Variants in PECR observed in about 807,000 individuals in gnomAD.
PECR encodes 2,4-dienoyl-CoA reductase-related protein.
Under a neutral mutation model 35.3 loss-of-function variants are expected in PECR, and 30 were observed. The ratio of observed to expected loss-of-function variants is 0.85; its 90% CI spans 0.64 to 1.15. The LOEUF is 1.15. PECR is among the 50% of genes most tolerant of loss of function. The probability of loss-of-function intolerance (pLI) is 0.00; values close to 1 mark genes in which losing one functional copy is unlikely to be tolerated. For missense variants in PECR, 392 were observed against 370.8 expected (o/e 1.06, Z -0.47); for synonymous variants, 148 against 138.9 (o/e 1.07, Z -0.46).
At chr2:216,044,309 T>C (rs1694952533) in intron 6 of PECR, among the ~76,000 whole-genome samples, 2 of 152,288 alleles carry the variant, frequency 1.3e-5, no homozygotes, top group East Asian at 3.9e-4. Context: ...ATAAGTGAAC[T>C]CAGTGCTTCA....
chr2:216,030,956 TCA>T (rs1219074422), intron 7 of PECR, among the ~76,000 whole-genome samples: 1,412 of 113,310 alleles, frequency 0.012, 8 homozygotes, highest in Non-Finnish European at 0.016. Context: ...TCTCTCTCTC[TCA>T]CACACACACA....
intron 6 of PECR, among the ~76,000 whole-genome samples, chr2:216,046,317 T>TG (rs1694993647): frequency 1.5e-5 from 2 of 137,762 alleles, no homozygotes; most frequent in African/African-American, 5.5e-5. Context: ...TATATTTTTT[T>TG]TTTTTTTTTT....
chr2:216,073,696 G>T (rs1358779994), intron 1 of PECR, among the ~76,000 whole-genome samples: 2 of 151,392 alleles, frequency 1.3e-5, no homozygotes, highest in Non-Finnish European at 2.9e-5. Flanking sequence ...TGTATGTTTA[G>T]ATATGTTTAG....
At position 216,063,604 on chromosome 2, in the gene PECR, C is replaced by T. The variant is rs538863712; in HGVS notation, c.424+1708G>A. ...CTGCACTCCAGCCTGTGTGACAGAG[C>T]GAGACTCTGTCTCAAAAAGAAAAAA... On this transcript the variant is annotated intron_variant, in intron 3 of 7. Coordinates refer to ENST00000265322, the MANE Select transcript of PECR (RefSeq NM_018441.6). 4.6e-5 allele frequency among the ~76,000 whole-genome samples: 7 copies of T among 151,216 alleles called. 1 individual carries two copies. Among genetic ancestry groups the T allele is most frequent in the African/African-American group, 9.7e-5 (4 of 41,162 alleles).
intron 4 of PECR, chr2:216,057,615 G>C (rs1695256230): frequency 6.6e-6 from 1 of 152,124 alleles, no homozygotes; most frequent in African/African-American, 2.4e-5. Context: ...AGAATAATGA[G>C]CAGGAAAAGA....
chr2:216,075,199 C>T (rs993153434), intron 1 of PECR, among the ~76,000 whole-genome samples: 6 of 151,934 alleles, frequency 3.9e-5, no homozygotes, highest in East Asian at 3.9e-4. Flanking sequence ...GACAGGAGTT[C>T]GAGGCTGCAG....
At chr2:216,077,024 C>T (rs1033378863) in intron 1 of PECR, among the ~76,000 whole-genome samples, 4 of 150,776 alleles carry the variant, frequency 2.7e-5, no homozygotes, top group Admixed American at 6.6e-5. Flanking sequence ...CCTCAGCCTC[C>T]GAGTAATTGG....
chr2:216,074,470 AAGAGAG>A (rs1157025620), intron 1 of PECR, among the ~76,000 whole-genome samples: 2 of 150,034 alleles, frequency 1.3e-5, no homozygotes, highest in South Asian at 4.3e-4. Context: ...AAAAGAAAGA[AAGAGAG>A]AGAGAAAGAA....
intron 6 of PECR, 124 bp downstream of exon 6, chr2:216,049,139 G>T: frequency 2.6e-6 from 2 of 756,086 alleles, no homozygotes; most frequent in South Asian, 1.4e-5. Context: ...AGAAAGAACA[G>T]GGGAAATGTT....
At chr2:216,041,279 C>A (rs867431097) in intron 7 of PECR, among the ~76,000 whole-genome samples, 1 of 152,146 alleles carries the variant, frequency 6.6e-6, no homozygotes, top group Non-Finnish European at 1.5e-5. Context: ...AACAGTGCAA[C>A]CTGCGATAAG....
intron 6 of PECR, among the ~76,000 whole-genome samples, chr2:216,046,572 A>G (rs1416399124): frequency 1.3e-5 from 2 of 152,052 alleles, no homozygotes; most frequent in African/African-American, 4.8e-5. Flanking sequence ...TAGGCTTCCA[A>G]AGTGTTGGGA....
At position 216,059,033 on chromosome 2, in the gene PECR, ATACCTTGTT is replaced by A. The variant is rs1695283417; in HGVS notation, c.425-66_425-58del. ...TTTTTAAAGTATCCTGGCCCTCCTG[ATACCTTGTT>A]TCAGCACACTGCCTGTTTGATATGT... On this transcript the variant is annotated intron_variant, in intron 3 of 7. Transcript: ENST00000265322. The A allele has an allele frequency of 4.9e-6, 5 of 1,014,540 alleles. No homozygotes were observed. The South Asian group carries it at 5.1e-5, about 10-fold the overall frequency. The allele number at this position is 1,014,540 out of a possible 1,614,324, so 62.8% of individuals were successfully genotyped here. A position where few individuals can be genotyped will look rare whatever the true frequency, so the allele number is the denominator to read the frequency against.
chr2:216,054,729 C>T (rs539998379), intron 4 of PECR, among the ~76,000 whole-genome samples: 11 of 152,236 alleles, frequency 7.2e-5, no homozygotes, highest in African/African-American at 2.4e-4. Flanking sequence ...AATTCCATTA[C>T]GGTGAACTTC....
intron 4 of PECR, among the ~76,000 whole-genome samples, chr2:216,057,274 A>C (rs1367006091): frequency 6.6e-6 from 1 of 152,182 alleles, no homozygotes; most frequent in Non-Finnish European, 1.5e-5. Context: ...AAAAGGTTGG[A>C]AACAACCCAA....
At chr2:216,070,673 G>A (rs1253705373) in intron 1 of PECR, among the ~76,000 whole-genome samples, 6 of 152,208 alleles carry the variant, frequency 3.9e-5, no homozygotes, top group African/African-American at 7.2e-5. Context: ...AGGGTTCCCT[G>A]CTTCTACTGA....
intron 6 of PECR, among the ~76,000 whole-genome samples, chr2:216,044,404 G>A (rs548504514): frequency 2.6e-5 from 4 of 152,106 alleles, no homozygotes; most frequent in African/African-American, 7.2e-5. Flanking sequence ...TCACTACCTC[G>A]TGCCTTTTAT....
downstream of PECR, among the ~76,000 whole-genome samples, chr2:216,037,468 T>C (rs116727419): frequency 2.5e-3 from 385 of 152,326 alleles, 2 homozygotes; most frequent in African/African-American, 8.8e-3. Flanking sequence ...GGGCCACTTT[T>C]CCCTCTAACA....
At chr2:216,046,308 A>ATTTTTTTTT (rs1413493863) in intron 6 of PECR, among the ~76,000 whole-genome samples, 5 of 112,126 alleles carry the variant, frequency 4.5e-5, no homozygotes, top group African/African-American at 2.1e-4. Context: ...ATATATATAT[A>ATTTTTTTTT]TATTTTTTTT....
chr2:216,053,611 A>G (rs541584595), intron 4 of PECR, among the ~76,000 whole-genome samples: 82 of 152,272 alleles, frequency 5.4e-4, no homozygotes, highest in Admixed American at 7.8e-4. Context: ...TGAAAATCCA[A>G]AATCTGAAAT....
Sources: allele counts gnomAD v4.1 joint callset (sites outside exome capture counted in the v4.1 genomes callset), GRCh38; gene constraint gnomAD v4.1.1; transcripts MANE v1.5; gene names NCBI Gene and HGNC (gene_info 2026-07-23, HGNC 2026-07-21).